The following ZCCHC4 variants were observed in gnomAD, a reference collection of about 807,000 sequenced individuals.
ZCCHC4 encodes the protein zinc finger CCHC-type containing 4, also known as rRNA N(6)-adenosine-methyltransferase ZCCHC4.
A neutral mutation model predicts 67.7 loss-of-function variants in ZCCHC4; 54 were observed. The observed-to-expected ratio is 0.80, with a 90% CI of 0.64 to 1.00. The LOEUF is 1.00. Ranked by LOEUF, ZCCHC4 falls within the 50% of genes least tolerant of loss-of-function variation. ZCCHC4 has a pLI of 0.00. For synonymous variants in ZCCHC4, 198 were observed against 213.5 expected (o/e 0.93, Z 0.63); for missense variants, 609 against 617.0 (o/e 0.99, Z 0.14).
chr4:25,328,947 G>A (rs1481691941), intron 3 of ZCCHC4, among the ~76,000 whole-genome samples: 1 of 152,092 alleles, frequency 6.6e-6, no homozygotes, highest in Non-Finnish European at 1.5e-5. Flanking sequence ...CAAGACTTTT[G>A]GAGGCCAAAG....
chr4:25,313,005 T>C (rs924305701), intron 1 of ZCCHC4, 69 bp downstream of exon 1: 13 of 1,576,398 alleles, frequency 8.2e-6, no homozygotes, highest in South Asian at 7.8e-5. Flanking sequence ...GAAGTGGCTT[T>C]TGGGGCTCCT....
In ZCCHC4 at chr4:25,369,252, T is replaced by C. The variant is rs969314526; in HGVS notation, c.*88T>C. 1 of 1,573,660 alleles carries C rather than the reference T, an allele frequency of 6.4e-7. No homozygotes were observed. The highest frequency in any genetic ancestry group is 1.4e-5 in the African/African-American group (1 of 72,664). ...GTGCCACACTGGACTTAAATTCAGC[T>C]GCTTCCAGAGGTGTGCACCTTTCTG... is the stretch of plus-strand genomic sequence containing the variant. On this transcript the variant is annotated 3_prime_UTR_variant, in exon 13 of 13. Coordinates refer to ENST00000302874, the MANE Select transcript of ZCCHC4 (RefSeq NM_024936.3).
chr4:25,346,434 G>A (rs1294378209), intron 6 of ZCCHC4, among the ~76,000 whole-genome samples: 1 of 152,096 alleles, frequency 6.6e-6, no homozygotes, highest in African/African-American at 2.4e-5. Context: ...ACACCTTGAA[G>A]CATACCCATA....
intron 6 of ZCCHC4, among the ~76,000 whole-genome samples, chr4:25,348,311 A>G (rs1720120488): frequency 6.6e-6 from 1 of 152,222 alleles, no homozygotes; most frequent in Admixed American, 6.5e-5. Context: ...GGTAGAACAA[A>G]ATATATTTTA....
In ZCCHC4 at chr4:25,357,639, T is replaced by G. The variant is rs185985902; in HGVS notation, c.1012-4220T>G. Reference sequence around the variant, plus strand: ...TTTCCCTTGTCCTCAATTTCTTACATTTTTGTGATTCACTTATTAAATAGC... The same window carrying G: ...TTTCCCTTGTCCTCAATTTCTTACAGTTTTGTGATTCACTTATTAAATAGC... On this transcript the variant is annotated intron_variant, in intron 8 of 12. Transcript: ENST00000302874. Among the ~76,000 whole-genome samples, 495 of 152,354 alleles carry G rather than the reference T, an allele frequency of 3.2e-3. 1 individual carries two copies. The highest frequency in any genetic ancestry group is 0.012 in the African/African-American group (479 of 41,588).
intron 6 of ZCCHC4, among the ~76,000 whole-genome samples, chr4:25,348,618 G>A (rs919498138): frequency 5.3e-5 from 8 of 152,128 alleles, no homozygotes; most frequent in Non-Finnish European, 1.2e-4. Context: ...AAGTAACCTA[G>A]AGATTATTTA....
intron 6 of ZCCHC4, among the ~76,000 whole-genome samples, chr4:25,348,273 T>G (rs1242000721): frequency 1.3e-5 from 2 of 152,208 alleles, no homozygotes; most frequent in African/African-American, 4.8e-5. Context: ...TTTCCTCTTA[T>G]CAGTGGGATC....
chr4:25,340,326 A>G (rs1017640371), intron 5 of ZCCHC4, among the ~76,000 whole-genome samples: 4 of 152,208 alleles, frequency 2.6e-5, no homozygotes, highest in African/African-American at 9.6e-5. Context: ...AGGTTTATTT[A>G]TGGACTTTAA....
chr4:25,347,337 C>T (rs547518479), intron 6 of ZCCHC4, among the ~76,000 whole-genome samples: 2 of 151,444 alleles, frequency 1.3e-5, no homozygotes, highest in African/African-American at 2.4e-5. Context: ...GCCTTTTTTT[C>T]GAAACTCTTT....
rs191334070 is a variant in ZCCHC4 at position 25,361,606 on chromosome 4, C to T, written c.1012-253C>T. On this transcript the variant is annotated intron_variant, in intron 8 of 12. Transcript: ENST00000302874. Reference sequence around the variant, plus strand: ...CATGTGGGCTTGCACCCACAGCTTGCGCCCAGTCTCGCTCATGCCCAGAGA... The same window carrying T: ...CATGTGGGCTTGCACCCACAGCTTGTGCCCAGTCTCGCTCATGCCCAGAGA... The T allele has an allele frequency of 5.7e-4, 237 of 414,238 alleles. 1 individual carries two copies. The highest frequency in any genetic ancestry group is 1.3e-3 in the Middle Eastern group (2 of 1,530). The allele number at this position is 414,238 out of a possible 1,614,324, so 25.7% of individuals were successfully genotyped here. A position where few individuals can be genotyped will look rare whatever the true frequency, so the allele number is the denominator to read the frequency against.
chr4:25,358,866 C>T (rs369257541), intron 8 of ZCCHC4, among the ~76,000 whole-genome samples: 5 of 152,218 alleles, frequency 3.3e-5, no homozygotes, highest in East Asian at 1.9e-4. Flanking sequence ...GGCTCATGCC[C>T]GGGCTCACTT....
At chr4:25,321,626 G>A (rs2109052013) in intron 3 of ZCCHC4, among the ~76,000 whole-genome samples, 1 of 152,310 alleles carries the variant, frequency 6.6e-6, no homozygotes, top group African/African-American at 2.4e-5. Context: ...ACCCGCCTCA[G>A]CCTCCCAAAG....
At chr4:25,322,398 G>T (rs749094028) in intron 3 of ZCCHC4, among the ~76,000 whole-genome samples, 1 of 152,036 alleles carries the variant, frequency 6.6e-6, no homozygotes, top group Non-Finnish European at 1.5e-5. Context: ...CTATGGATTT[G>T]CCTATTCTAG....
intron 8 of ZCCHC4, among the ~76,000 whole-genome samples, chr4:25,354,954 C>G (rs1370115283): frequency 6.7e-6 from 1 of 149,362 alleles, no homozygotes; most frequent in Non-Finnish European, 1.5e-5. Flanking sequence ...TTATAAGCCC[C>G]CAAACCACAA....
intron 12 of ZCCHC4, chr4:25,365,757 G>A (rs892633627): frequency 3.0e-6 from 3 of 985,340 alleles, no homozygotes; most frequent in Non-Finnish European, 3.6e-6. Flanking sequence ...CAGAGTATGG[G>A]GATACCTATG....
chr4:25,339,151 C>T (rs1719608723), intron 5 of ZCCHC4, among the ~76,000 whole-genome samples: 1 of 152,142 alleles, frequency 6.6e-6, no homozygotes, highest in African/African-American at 2.4e-5. Flanking sequence ...TTTAAGGATA[C>T]CAGTCAGATT....
At chr4:25,366,641 T>C (rs1446475681) in intron 12 of ZCCHC4, among the ~76,000 whole-genome samples, 19 of 152,216 alleles carry the variant, frequency 1.2e-4, no homozygotes, top group Non-Finnish European at 2.8e-4. Context: ...AATATTTTCC[T>C]TAGAATAAAC....
chr4:25,349,618 A>G lies in ZCCHC4; in HGVS notation c.886A>G (p.Met296Val), dbSNP rs1192121908. 6.2e-7 allele frequency: 1 copy of G among 1,613,960 alleles called. No homozygotes were observed. The highest frequency in any genetic ancestry group is 8.5e-7 in the Non-Finnish European group (1 of 1,179,888). ...TATTACATTCAAGAAGTTAATTGCT[A>G]TGTGGAAAGAAGGTCAAAGCCAAGG... ...LAITFKKLIAMWKEGQSQDDS... is the reference protein window; with the variant it reads ...LAITFKKLIAVWKEGQSQDDS... Residue 296 changes from methionine to valine, a missense_variant, in exon 7 of 13, where the codon ATG becomes GTG. Physicochemically the swap from Met to Val is conservative, Grantham distance 21. Transcript: ENST00000302874.
intron 6 of ZCCHC4, among the ~76,000 whole-genome samples, chr4:25,349,263 G>A (rs1471713853): frequency 2.0e-5 from 3 of 152,106 alleles, no homozygotes; most frequent in African/African-American, 7.2e-5. Context: ...GATAGTGATG[G>A]TGTTTGAATT....
Sources: allele counts gnomAD v4.1 joint callset (sites outside exome capture counted in the v4.1 genomes callset), GRCh38; gene constraint gnomAD v4.1.1; transcripts MANE v1.5; gene names NCBI Gene and HGNC (gene_info 2026-07-23, HGNC 2026-07-21).